Variants in LAMA2 observed in about 807,000 individuals in gnomAD.
The protein encoded by LAMA2 is laminin subunit alpha 2.
LAMA2 carries 269 observed loss-of-function variants against 364.8 expected under a neutral mutation model. That is an observed-to-expected ratio of 0.74 (90% CI 0.67 to 0.82). The LOEUF (loss-of-function observed/expected upper bound fraction) is 0.82. Ranked by LOEUF, LAMA2 falls within the 40% of genes least tolerant of loss-of-function variation. LAMA2 has a pLI of 0.00. For missense variants in LAMA2, 3,807 were observed against 3,873.2 expected (o/e 0.98, Z 0.45); for synonymous variants, 1,379 against 1,370.6 (o/e 1.01, Z -0.14).
intron 41 of LAMA2, among the ~76,000 whole-genome samples, chr6:129,437,742 A>T (rs899372798): frequency 3.3e-5 from 5 of 152,060 alleles, no homozygotes; most frequent in Non-Finnish European, 5.9e-5. Flanking sequence ...AAGAAGACAG[A>T]TGAACTCCAT....
intron 40 of LAMA2, among the ~76,000 whole-genome samples, chr6:129,417,682 A>G (rs1583700641): frequency 6.6e-6 from 1 of 152,012 alleles, no homozygotes; most frequent in Non-Finnish European, 1.5e-5. Context: ...GTTCATGCCT[A>G]GGGTCACCTT....
intron 51 of LAMA2, among the ~76,000 whole-genome samples, chr6:129,469,234 T>C (rs544521844): frequency 6.6e-6 from 1 of 151,914 alleles, no homozygotes; most frequent in Non-Finnish European, 1.5e-5. Context: ...TTTAAGTATA[T>C]TACTCGAGGT....
intron 34 of LAMA2, among the ~76,000 whole-genome samples, chr6:129,380,720 A>G (rs1387919381): frequency 2.0e-5 from 3 of 152,194 alleles, no homozygotes; most frequent in Non-Finnish European, 4.4e-5. Context: ...AGTTTTGCAT[A>G]TTTAATATAC....
intron 9 of LAMA2, among the ~76,000 whole-genome samples, chr6:129,171,045 T>A (rs1583180676): frequency 6.6e-6 from 1 of 151,960 alleles, no homozygotes; most frequent in Admixed American, 6.6e-5. Flanking sequence ...TCCTCCATCC[T>A]TTTATTTTGA....
intron 29 of LAMA2, among the ~76,000 whole-genome samples, chr6:129,338,371 T>G (rs1391304455): frequency 6.6e-6 from 1 of 152,220 alleles, no homozygotes; most frequent in Non-Finnish European, 1.5e-5. Context: ...CATGACACCT[T>G]GCTGAATGAC....
At chr6:129,199,276 A>G (rs1350333743) in intron 12 of LAMA2, among the ~76,000 whole-genome samples, 1 of 152,238 alleles carries the variant, frequency 6.6e-6, no homozygotes, top group Non-Finnish European at 1.5e-5. Context: ...ATAGACACAG[A>G]AAAAGAAATG....
chr6:128,959,400 A>G (rs1781343012), intron 1 of LAMA2, among the ~76,000 whole-genome samples: 1 of 152,162 alleles, frequency 6.6e-6, no homozygotes, highest in African/African-American at 2.4e-5. Flanking sequence ...CCTCTTTTAG[A>G]TATCAGCTGG....
chr6:129,431,020 T>C (rs1346907210), intron 41 of LAMA2, among the ~76,000 whole-genome samples: 2 of 152,196 alleles, frequency 1.3e-5, no homozygotes, highest in Non-Finnish European at 2.9e-5. Context: ...GACTAACTTT[T>C]CAGTTTTATT....
chr6:129,261,926 A>G (rs1246537261), intron 15 of LAMA2, among the ~76,000 whole-genome samples: 1 of 152,130 alleles, frequency 6.6e-6, no homozygotes, highest in Non-Finnish European at 1.5e-5. Flanking sequence ...TTTTACATAT[A>G]AAATACACAA....
intron 7 of LAMA2, among the ~76,000 whole-genome samples, chr6:129,153,854 T>C (rs1778953858): frequency 6.6e-6 from 1 of 152,192 alleles, no homozygotes; most frequent in Admixed American, 6.5e-5. Flanking sequence ...TAGTAATTCA[T>C]TACAGATTAC....
At chr6:129,303,905 C>G (rs566563854) in intron 22 of LAMA2, among the ~76,000 whole-genome samples, 2 of 152,220 alleles carry the variant, frequency 1.3e-5, no homozygotes, top group South Asian at 4.2e-4. Context: ...TGAGGTACTG[C>G]AAGCTTCATG....
intron 1 of LAMA2, among the ~76,000 whole-genome samples, chr6:128,910,321 A>T (rs1777820187): frequency 6.6e-6 from 1 of 152,176 alleles, no homozygotes; most frequent in South Asian, 2.1e-4. Flanking sequence ...TATTTCTTGG[A>T]GGCTTTGCTC....
At chr6:128,904,883 T>A (rs913162452) in intron 1 of LAMA2, among the ~76,000 whole-genome samples, 3 of 152,242 alleles carry the variant, frequency 2.0e-5, no homozygotes, top group African/African-American at 7.2e-5. Context: ...AAGGCTGCTG[T>A]TGAAGGTTAG....
intron 30 of LAMA2, among the ~76,000 whole-genome samples, chr6:129,349,073 C>T (rs970823874): frequency 1.3e-5 from 2 of 152,098 alleles, no homozygotes; most frequent in Non-Finnish European, 2.9e-5. Context: ...TTGTGTGATG[C>T]ATTTTTAATC....
At chr6:129,383,589 A>G (rs1778817360) in intron 35 of LAMA2, among the ~76,000 whole-genome samples, 1 of 152,214 alleles carries the variant, frequency 6.6e-6, no homozygotes, top group Non-Finnish European at 1.5e-5. Flanking sequence ...TCATCATTCC[A>G]CTTGATACAT....
chr6:128,940,446 C>G (rs1351680676), intron 1 of LAMA2, among the ~76,000 whole-genome samples: 1 of 152,108 alleles, frequency 6.6e-6, no homozygotes, highest in Non-Finnish European at 1.5e-5. Flanking sequence ...ACCATCTTTC[C>G]CTCTTTAGTG....
At chr6:129,178,623 C>T (rs1780752039) in intron 10 of LAMA2, among the ~76,000 whole-genome samples, 1 of 151,976 alleles carries the variant, frequency 6.6e-6, no homozygotes, top group African/African-American at 2.4e-5. Context: ...AAAAAGTTAG[C>T]ATACCATACT....
intron 12 of LAMA2, among the ~76,000 whole-genome samples, chr6:129,202,743 A>C (rs2115055351): frequency 6.6e-6 from 1 of 152,332 alleles, no homozygotes; most frequent in East Asian, 1.9e-4. Flanking sequence ...ATCAGTCTAT[A>C]ATTCTTTACC....
chr6:129,306,664 C>T (rs10457520), intron 22 of LAMA2, among the ~76,000 whole-genome samples: 13,909 of 151,534 alleles, frequency 0.092, 1,130 homozygotes, highest in East Asian at 0.4. Flanking sequence ...ATTTTTGTAT[C>T]TGTATTTTTT....
Sources: gnomAD v4.1 joint callset for allele counts (sites outside exome capture counted in the v4.1 genomes callset) on GRCh38, gnomAD v4.1.1 for gene constraint, MANE v1.5 for transcripts, NCBI Gene and HGNC (gene_info 2026-07-23, HGNC 2026-07-21) for gene names.